Variants in TNFSF18 observed in about 807,000 individuals in gnomAD.
TNFSF18 encodes tumor necrosis factor ligand superfamily member 18.
A neutral mutation model predicts 9.6 loss-of-function variants in TNFSF18; 6 were observed. The ratio of observed to expected loss-of-function variants is 0.63; its 90% confidence interval spans 0.34 to 1.24. The LOEUF is 1.24. TNFSF18 is among the 50% of genes most tolerant of loss of function. TNFSF18 has a pLI of 0.03. For missense variants in TNFSF18, 210 were observed against 201.0 expected (o/e 1.04, Z -0.27); for synonymous variants, 68 against 71.7 (o/e 0.95, Z 0.26).
chr1:173,042,366 G>C (rs1665007756), intron 2 of TNFSF18, among the ~76,000 whole-genome samples: 1 of 151,930 alleles, frequency 6.6e-6, no homozygotes, highest in African/African-American at 2.4e-5. Context: ...AAAGTCCCTG[G>C]TACCTGGTAG....
intron 1 of TNFSF18, among the ~76,000 whole-genome samples, chr1:173,048,053 A>G (rs1185476758): frequency 6.6e-6 from 1 of 151,794 alleles, no homozygotes; most frequent in Admixed American, 6.6e-5. Flanking sequence ...CCTTAGCACA[A>G]CTCTACAAAA....
At chr1:173,049,118 A>C (rs1283621185) in intron 1 of TNFSF18, among the ~76,000 whole-genome samples, 1 of 152,198 alleles carries the variant, frequency 6.6e-6, no homozygotes, top group African/African-American at 2.4e-5. Context: ...CAGAGCTCAA[A>C]CACATGGGAT....
intron 2 of TNFSF18, among the ~76,000 whole-genome samples, chr1:173,042,102 C>T (rs1014894276): frequency 1.4e-4 from 21 of 152,288 alleles, no homozygotes; most frequent in Non-Finnish European, 2.8e-4. Context: ...CAGGCATTTT[C>T]GGTGTAAATA....
In TNFSF18 at chr1:173,041,555, G is replaced by A. The variant is rs370771974; in HGVS notation, c.346C>T (p.Arg116Trp). ...NYNDVAPFEV[R>W]LYKNKDMIQT... ...ATCATGTCTTTGTTTTTATACAGCC[G>A]CACCTCAAAAGGAGCTACATCATTG... Residue 116 changes from arginine to tryptophan, a missense_variant, in exon 3 of 3, where the codon CGG becomes TGG. Arg to Trp is a moderately radical substitution (Grantham distance 101). Transcript: ENST00000404377. 8.1e-5 allele frequency: 131 copies of A among 1,613,270 alleles called. No individual in the cohort carries two copies. Among genetic ancestry groups the A allele is most frequent in the Admixed American group, 1.3e-4 (8 of 59,886 alleles).
rs745509361 is a variant in TNFSF18, at chr1:173,041,363, G to C, written c.*4C>G. On this transcript the variant is annotated 3_prime_UTR_variant, in exon 3 of 3. Transcript: ENST00000404377. ...GAAGGGAATGAGGAGATCAAATCAA[G>C]TCTCTAGGAGATGAATTGGGGATTT... is the stretch of plus-strand genomic sequence containing the variant. 1 of 1,593,920 alleles carries C rather than the reference G, an allele frequency of 6.3e-7. No individual in the cohort carries two copies. Among genetic ancestry groups the C allele is most frequent in the Non-Finnish European group, 8.6e-7 (1 of 1,168,574 alleles).
intron 1 of TNFSF18, among the ~76,000 whole-genome samples, chr1:173,045,691 C>A (rs772390151): frequency 1.3e-5 from 2 of 151,830 alleles, no homozygotes; most frequent in African/African-American, 2.4e-5. Flanking sequence ...AATGACAACA[C>A]GTTTTTCTAT....
intron 1 of TNFSF18, among the ~76,000 whole-genome samples, chr1:173,045,646 T>C (rs1016234768): frequency 6.6e-6 from 1 of 152,082 alleles, no homozygotes; most frequent in African/African-American, 2.4e-5. Flanking sequence ...GTTGTTGTTG[T>C]TGTTGTTGTT....
At position 173,041,684 on chromosome 1, in the gene TNFSF18, A is replaced by T. The variant is rs750915789; in HGVS notation, c.217T>A (p.Ser73Thr). Reference protein sequence around the residue: ...GPLPSKWQMASSEPPCVNKVS... With the variant: ...GPLPSKWQMATSEPPCVNKVS... ...TTATTCACGCAAGGAGGTTCAGAAG[A>T]TGCCATTTGCCATTTTGAGGGTAAT... Residue 73 changes from serine (S) to threonine (T), a missense_variant, in exon 3 of 3, where the codon TCT (serine) becomes ACT (threonine). Coordinates refer to ENST00000404377, the MANE Select transcript of TNFSF18 (RefSeq NM_005092.4). The T allele has an allele frequency of 6.2e-7, 1 of 1,607,146 alleles. No individual in the cohort carries two copies. The highest frequency in any genetic ancestry group is 1.7e-5 in the Admixed American group (1 of 58,912).
At chr1:173,047,080 G>C (rs1462152608) in intron 1 of TNFSF18, among the ~76,000 whole-genome samples, 2 of 151,926 alleles carry the variant, frequency 1.3e-5, no homozygotes, top group Admixed American at 1.3e-4. Context: ...TTTTTTTGTA[G>C]AGACAGGGTT....
intron 2 of TNFSF18, among the ~76,000 whole-genome samples, 165 bp downstream of exon 2, chr1:173,043,774 T>C (rs1263183902): frequency 1.3e-5 from 2 of 152,232 alleles, no homozygotes; most frequent in Non-Finnish European, 2.9e-5. Flanking sequence ...GGTTTACCTC[T>C]GAAAGCCTCA....
rs1664983834 is a variant in TNFSF18, at chr1:173,041,156, G to GT, written c.*210dup. ...ATTTGTTTTATCATGGATTAATGAA[G>GT]TATCTCTGCAGATCCAACCAAAAGT... is the stretch of plus-strand genomic sequence containing the variant. On this transcript the variant is annotated 3_prime_UTR_variant, in exon 3 of 3. Coordinates refer to ENST00000404377, the MANE Select transcript of TNFSF18 (RefSeq NM_005092.4). The GT allele has an allele frequency of 1.6e-5, 7 of 449,310 alleles. No individual in the cohort carries two copies. The East Asian group carries it at 2.0e-4, about 13-fold the overall frequency. The allele number at this position is 449,310 out of a possible 1,614,324, so 27.8% of individuals were successfully genotyped here.
Position 173,050,789 on chromosome 1 carries a change from T to C in TNFSF18, c.108A>G (p.Leu36=). The change falls in exon 1 of 3, where the codon CTA becomes CTG. Residue 36 remains leucine (L), a synonymous_variant. Transcript: ENST00000404377. ...TTAGCCAACTGAAGGAGCAAAGAAA[T>C]AGCAACATAACTATTGAGCAAAAGA... The part of the protein sequence containing the change: ...LWLFCSIVML[L]FLCSFSWLIF... 6.2e-7 allele frequency: 1 copy of C among 1,612,800 alleles called. No individual in the cohort carries two copies. Among genetic ancestry groups the C allele is most frequent in the South Asian group, 1.1e-5 (1 of 90,788 alleles).
At chr1:173,041,736 A>C (rs1270749894) in intron 2 of TNFSF18, 23 bp from the exon 3 acceptor site, 1 of 1,525,662 alleles carries the variant, frequency 6.6e-7, no homozygotes, top group African/African-American at 1.4e-5. Context: ...TACAAGGATA[A>C]AAAAGATGAA....
At chr1:173,043,522 A>G (rs751952810) in intron 2 of TNFSF18, among the ~76,000 whole-genome samples, 6 of 152,184 alleles carry the variant, frequency 3.9e-5, no homozygotes, top group Non-Finnish European at 8.8e-5. Flanking sequence ...GCTCTTCTAT[A>G]CATTTAGAAA....
At chr1:173,049,922 C>T (rs1188143523) in intron 1 of TNFSF18, among the ~76,000 whole-genome samples, 3 of 152,120 alleles carry the variant, frequency 2.0e-5, no homozygotes, top group Non-Finnish European at 2.9e-5. Flanking sequence ...CCATCCCATT[C>T]TCTAGGCCCA....
Position 173,041,398 on chromosome 1 carries a change from A to G in TNFSF18, c.503T>C (p.Ile168Thr). 1.2e-6 allele frequency: 2 copies of G among 1,611,014 alleles called. No homozygotes were observed. The highest frequency in any genetic ancestry group is 8.5e-7 in the Non-Finnish European group (1 of 1,178,468). The change falls in exon 3 of 3, where the codon ATT becomes ACT. Residue 168 changes from isoleucine to threonine, a missense_variant. Coordinates refer to ENST00000404377, the MANE Select transcript of TNFSF18 (RefSeq NM_005092.4). Reference protein sequence around the residue: ...VLKNNTYWGIILLANPQFIS With the variant: ...VLKNNTYWGITLLANPQFIS The stretch of plus-strand genomic sequence containing the variant: ...GATGAATTGGGGATTTGCTAGTAAA[A>G]TGATACCCCAGTATGTATTATTTTT...
chr1:173,050,119 C>T (rs1665145795), intron 1 of TNFSF18, among the ~76,000 whole-genome samples: 2 of 152,152 alleles, frequency 1.3e-5, no homozygotes, highest in African/African-American at 4.8e-5. Flanking sequence ...TTGATCATGA[C>T]ATTTTATAGC....
At chr1:173,048,346 G>A (rs2236876) in intron 1 of TNFSF18, among the ~76,000 whole-genome samples, 48,862 of 152,028 alleles carry the variant, frequency 0.32, 9,001 homozygotes, top group East Asian at 0.78. Context: ...CTAGATTTAC[G>A]TAGTTCGGCT....
At chr1:173,049,185 T>C (rs969393388) in intron 1 of TNFSF18, among the ~76,000 whole-genome samples, 1 of 152,138 alleles carries the variant, frequency 6.6e-6, no homozygotes, top group Non-Finnish European at 1.5e-5. Flanking sequence ...TATTAGACTT[T>C]CTCTTTCCCT....
Sources: allele counts gnomAD v4.1 joint callset (sites outside exome capture counted in the v4.1 genomes callset), GRCh38; gene constraint gnomAD v4.1.1; transcripts MANE v1.5; gene names NCBI Gene and HGNC (gene_info 2026-07-23, HGNC 2026-07-21).